Variants in INPP5D observed in about 807,000 individuals in gnomAD.
INPP5D encodes the protein phosphatidylinositol 3,4,5-trisphosphate 5-phosphatase 1.
INPP5D carries 33 observed loss-of-function variants against 122.9 expected under a neutral mutation model. The observed-to-expected ratio is 0.27, with a 90% CI of 0.20 to 0.36. INPP5D has a LOEUF of 0.36. Among genes scored for constraint, INPP5D ranks in the 10% least tolerant of loss-of-function variants. INPP5D has a pLI of 1.00. For missense variants in INPP5D, 1,053 were observed against 1,412.7 expected, an observed-to-expected ratio of 0.75 and a Z score of 4.08; for synonymous variants, 584 against 576.2, an observed-to-expected ratio of 1.01 and a Z score of -0.19.
intron 9 of INPP5D, among the ~76,000 whole-genome samples, chr2:233,155,052 A>G (rs1376808062): frequency 1.3e-5 from 2 of 152,204 alleles, no homozygotes; most frequent in Non-Finnish European, 2.9e-5. Context: ...ACAGATAAAA[A>G]GAAATGGGCC....
Position 233,135,691 on chromosome 2 carries a change from C to T in INPP5D, c.666-4151C>T, listed in dbSNP as rs115099957. On this transcript the variant is annotated intron_variant, in intron 5 of 26. Transcript: ENST00000445964. ...GACAGTATAATAAAGATTCTGAAGC[C>T]ATGTCTCCAAGAAAAAGGCTACTGA... 2.6e-3 allele frequency among the ~76,000 whole-genome samples: 396 copies of T among 151,238 alleles called. 2 individuals are homozygous for T. Among genetic ancestry groups the T allele is most frequent in the African/African-American group, 9.1e-3 (375 of 41,318 alleles).
At position 233,105,387 on chromosome 2, in the gene INPP5D, A is replaced by G. The variant is rs1692438633; in HGVS notation, c.199-16720A>G. Among the ~76,000 whole-genome samples, 1 of 152,196 alleles carries G rather than the reference A, an allele frequency of 6.6e-6. No individual in the cohort carries two copies. ...CCACCACCTCCTATTCACCTGAAGTAGGAGCATCTCAGCTGCAGAGTAGCT... is the reference window on the plus strand; with the variant it reads ...CCACCACCTCCTATTCACCTGAAGTGGGAGCATCTCAGCTGCAGAGTAGCT... On this transcript the variant is annotated intron_variant, in intron 2 of 26. Coordinates refer to ENST00000445964, the MANE Select transcript of INPP5D (RefSeq NM_001017915.3). The surrounding 1 kb of genome is among the most constrained non-coding windows in gnomAD (Gnocchi z 4.0).
At position 233,197,485 on chromosome 2, in the gene INPP5D, T is replaced by C. The variant is rs1695214562; in HGVS notation, c.2694-610T>C. On this transcript the variant is annotated intron_variant, in intron 24 of 26. Transcript: ENST00000445964. The surrounding 1 kb of genome is among the most constrained non-coding windows in gnomAD (Gnocchi z 4.4). Reference sequence around the variant, plus strand: ...ACCCAGGCTACCCCCCCACCATCTCTCTGCCCTGCCAGCCTTGCCAGCTTC... The same window carrying C: ...ACCCAGGCTACCCCCCCACCATCTCCCTGCCCTGCCAGCCTTGCCAGCTTC... 6.6e-6 allele frequency among the ~76,000 whole-genome samples: 1 copy of C among 152,010 alleles called. No individual in the cohort carries two copies. Among genetic ancestry groups the C allele is most frequent in the Admixed American group, 6.6e-5 (1 of 15,254 alleles).
chr2:233,112,563 T>C lies in INPP5D; in HGVS notation c.199-9544T>C, dbSNP rs529177774. On this transcript the variant is annotated intron_variant, in intron 2 of 26. Transcript: ENST00000445964. Reference sequence around the variant, plus strand: ...AGGATGACATTTAGCAGCCAAGATCTGAGCAGCAGGTGTTCTCATTGCTGT... The same window carrying C: ...AGGATGACATTTAGCAGCCAAGATCCGAGCAGCAGGTGTTCTCATTGCTGT... Among the ~76,000 whole-genome samples the C allele has an allele frequency of 2.0e-5, 3 of 152,384 alleles. 1 individual carries two copies. The East Asian group carries it at 5.8e-4, about 29-fold the overall frequency.
At chr2:233,077,661 CAAAAAA>C (rs36042957) in intron 1 of INPP5D, among the ~76,000 whole-genome samples, 2 of 46,444 alleles carry the variant, frequency 4.3e-5, no homozygotes, top group Admixed American at 3.2e-4. Context: ...AACTCTGTCT[CAAAAAA>C]AAAAAAAAAA....
intron 3 of INPP5D, 122 bp from the exon 4 acceptor site, chr2:233,125,623 C>A: frequency 1.2e-6 from 1 of 847,476 alleles, no homozygotes; most frequent in Non-Finnish European, 1.8e-6. Flanking sequence ...CAGCGAGGGA[C>A]ACGGGGACGC....
chr2:233,072,531 A>G (rs1193787833), intron 1 of INPP5D, among the ~76,000 whole-genome samples: 2 of 152,242 alleles, frequency 1.3e-5, no homozygotes, highest in African/African-American at 4.8e-5. Context: ...GCATTTATGT[A>G]GCATAATTAT....
At chr2:233,137,595 A>G (rs1428516737) in intron 5 of INPP5D, among the ~76,000 whole-genome samples, 3 of 150,576 alleles carry the variant, frequency 2.0e-5, no homozygotes, top group African/African-American at 7.3e-5. Context: ...TGCTGGCATT[A>G]CAGGTGCCCA....
chr2:233,170,905 C>CAAAAAA lies in INPP5D; in HGVS notation c.1901-145_1901-140dup, dbSNP rs546215336. Among the ~76,000 whole-genome samples the CAAAAAA allele has an allele frequency of 9.1e-6, 1 of 109,668 alleles. No individual in the cohort carries two copies. Among genetic ancestry groups the CAAAAAA allele is most frequent in the Non-Finnish European group, 1.8e-5 (1 of 54,296 alleles). The allele number at this position is 109,668 out of a possible 152,430, so 71.9% of individuals were successfully genotyped here. Reference sequence around the variant, plus strand: ...TGGCCAACAAAGACAGACTCCGTCTCAAAAAAAAAAAAAAAAAAAGCAGCA... The same window carrying CAAAAAA: ...TGGCCAACAAAGACAGACTCCGTCTCAAAAAAAAAAAAAAAAAAAAAAAAAGCAGCA... On this transcript the variant is annotated intron_variant, in intron 16 of 26. Transcript: ENST00000445964. This position sits in a 1 kb window ranked among gnomAD's most constrained non-coding sequence, Gnocchi z 4.5.
At chr2:233,126,008 A>T in intron 4 of INPP5D, 89 bp downstream of exon 4, 1 of 1,300,626 alleles carries the variant, frequency 7.7e-7, no homozygotes, top group East Asian at 2.5e-5. Flanking sequence ...GATCCTAGTT[A>T]TGGGCCTGGT....
In INPP5D at chr2:233,128,734, T is replaced by C. The variant is rs1350190595; in HGVS notation, c.525-1774T>C. Among the ~76,000 whole-genome samples, 1 of 152,158 alleles carries C rather than the reference T, an allele frequency of 6.6e-6. No homozygotes were observed. Among genetic ancestry groups the C allele is most frequent in the African/African-American group, 2.4e-5 (1 of 41,436 alleles). ...CTCAGGTGATCTGCCCACCTCTGCCTCCCAAAGTGCTGGGATTATAGGCGT... is the reference window on the plus strand; with the variant it reads ...CTCAGGTGATCTGCCCACCTCTGCCCCCCAAAGTGCTGGGATTATAGGCGT... On this transcript the variant is annotated intron_variant, in intron 4 of 26. Transcript: ENST00000445964. The surrounding 1 kb of genome is among the most constrained non-coding windows in gnomAD (Gnocchi z 4.5).
chr2:233,076,812 T>G (rs1398904841), intron 1 of INPP5D, among the ~76,000 whole-genome samples: 2 of 152,168 alleles, frequency 1.3e-5, no homozygotes, highest in African/African-American at 2.4e-5. Flanking sequence ...TTAAAGCAAG[T>G]TATCATTCTC....
Position 233,177,217 on chromosome 2 carries a change from A to C in INPP5D, c.1990-48A>C. 6.2e-7 allele frequency: 1 copy of C among 1,611,360 alleles called. No individual in the cohort carries two copies. The highest frequency in any genetic ancestry group is 1.1e-5 in the South Asian group (1 of 90,872). The stretch of plus-strand genomic sequence containing the variant: ...TAATCTGTTCTTTTACTGATTAAAA[A>C]AATAATAATAAGAGGCATTTTTTAA... On this transcript the variant is annotated intron_variant, in intron 17 of 26. Transcript: ENST00000445964. The surrounding 1 kb of genome is among the most constrained non-coding windows in gnomAD (Gnocchi z 4.2).
intron 25 of INPP5D, among the ~76,000 whole-genome samples, chr2:233,198,980 T>G (rs1196573465): frequency 2.6e-5 from 4 of 151,282 alleles, no homozygotes; most frequent in East Asian, 1.9e-4. Flanking sequence ...CCGGGCACGG[T>G]GGCTCACGCC....
At chr2:233,124,369 C>T (rs1341094047) in intron 3 of INPP5D, among the ~76,000 whole-genome samples, 1 of 152,236 alleles carries the variant, frequency 6.6e-6, no homozygotes, top group Non-Finnish European at 1.5e-5. Context: ...CCAGGGCCCC[C>T]TGCTCCCTCC....
intron 1 of INPP5D, among the ~76,000 whole-genome samples, chr2:233,065,862 G>T (rs1298554748): frequency 2.0e-5 from 3 of 151,314 alleles, no homozygotes; most frequent in South Asian, 4.2e-4. Flanking sequence ...GGCTAGGCTG[G>T]TCTCAAACTC....
Position 233,207,041 on chromosome 2 carries a change from A to G in INPP5D, c.*333A>G, listed in dbSNP as rs951570145. 1 of 259,118 alleles carries G rather than the reference A, an allele frequency of 3.9e-6. No individual in the cohort carries two copies. The highest frequency in any genetic ancestry group is 5.3e-5 in the Admixed American group (1 of 19,028). 16.1% of individuals were successfully genotyped at this position (259,118 alleles called of 1,614,324 possible). ...AGCGCCGATTTGAGGGTGGAGATAT[A>G]GATAATAATAATATTAATAATAATA... On this transcript the variant is annotated 3_prime_UTR_variant, in exon 27 of 27. Transcript: ENST00000445964. This position sits in a 1 kb window ranked among gnomAD's most constrained non-coding sequence, Gnocchi z 4.6.
At chr2:233,167,626 A>G (rs1015714777) in intron 13 of INPP5D, among the ~76,000 whole-genome samples, 1 of 151,784 alleles carries the variant, frequency 6.6e-6, no homozygotes, top group Non-Finnish European at 1.5e-5. Context: ...AAGCCTGTGT[A>G]CTCCCCCACT....
At chr2:233,133,563 C>G (rs1283297209) in intron 5 of INPP5D, among the ~76,000 whole-genome samples, 2 of 152,192 alleles carry the variant, frequency 1.3e-5, no homozygotes, top group African/African-American at 2.4e-5. Context: ...TGAACAGCAA[C>G]TTCTTTAGTA....
Sources: gnomAD v4.1 joint callset for allele counts (sites outside exome capture counted in the v4.1 genomes callset) on GRCh38, gnomAD v4.1.1 for gene constraint, Gnocchi (gnomAD v3.1) non-coding constraint, MANE v1.5 for transcripts, NCBI Gene and HGNC (gene_info 2026-07-23, HGNC 2026-07-21) for gene names.